NUCKS1: variants seen among roughly 807,000 people sequenced by gnomAD.
NUCKS1 encodes the protein nuclear ubiquitous casein and cyclin-dependent kinase substrate 1.
NUCKS1 carries 2 observed loss-of-function variants against 33.0 expected under a neutral mutation model. That is an observed-to-expected ratio of 0.06 (90% CI 0.02 to 0.19). The LOEUF (loss-of-function observed/expected upper bound fraction) is 0.19. Among genes scored for constraint, NUCKS1 ranks in the 10% least tolerant of loss-of-function variants. NUCKS1 has a pLI of 1.00. For synonymous variants in NUCKS1, 106 were observed against 102.8 expected (o/e 1.03, Z -0.19); for missense variants, 201 against 293.6 (o/e 0.68, Z 2.31).
chr1:205,736,112 C>G (rs1232900242), intron 1 of NUCKS1, among the ~76,000 whole-genome samples: 1 of 152,016 alleles, frequency 6.6e-6, no homozygotes, highest in Non-Finnish European at 1.5e-5. Context: ...TCACAACAGC[C>G]AGTAAATTAA....
At chr1:205,723,899 C>T (rs746142014) in intron 4 of NUCKS1, 27 bp downstream of exon 4, 1 of 1,447,210 alleles carries the variant, frequency 6.9e-7, no homozygotes, top group Non-Finnish European at 9.7e-7. Context: ...TATAATTATA[C>T]CTCTTACATT....
At chr1:205,736,872 C>A (rs182017416) in intron 1 of NUCKS1, among the ~76,000 whole-genome samples, 26 of 151,410 alleles carry the variant, frequency 1.7e-4, no homozygotes, top group Non-Finnish European at 3.1e-4. Context: ...TAGTTCTTTA[C>A]AAGGAGATGA....
Position 205,713,349 on chromosome 1 carries a change from C to T in NUCKS1, c.*4931G>A, listed in dbSNP as rs1065678. ...ATGCCAACATGCTCAACAATAAAGG[C>T]TTCTTTTTCTTATTTTTTTAATACA... On this transcript the variant is annotated 3_prime_UTR_variant, in exon 7 of 7. Coordinates refer to ENST00000367142, the MANE Select transcript of NUCKS1 (RefSeq NM_022731.5). 15 of 152,014 alleles carry T rather than the reference C, an allele frequency of 9.9e-5. No homozygotes were observed. 9.4% of individuals were successfully genotyped at this position (152,014 alleles called of 1,614,324 possible).
chr1:205,724,098 C>T lies in NUCKS1; in HGVS notation c.174-117G>A, dbSNP rs566326758. ...GAAAAATACCTCTTCTATATAAAATCTTCAAACAAATGCTAAGGAGTACTT... is the reference window on the plus strand; with the variant it reads ...GAAAAATACCTCTTCTATATAAAATTTTCAAACAAATGCTAAGGAGTACTT... On this transcript the variant is annotated intron_variant, in intron 3 of 6. Transcript: ENST00000367142. 8.8e-4 allele frequency: 709 copies of T among 808,622 alleles called. 2 individuals carry two copies. Among genetic ancestry groups the T allele is most frequent in the Admixed American group, 2.0e-3 (113 of 57,452 alleles). 50.1% of individuals were successfully genotyped at this position (808,622 alleles called of 1,614,324 possible). A position where few individuals can be genotyped will look rare whatever the true frequency, so the allele number is the denominator to read the frequency against.
chr1:205,740,821 GTA>G (rs10535162), intron 1 of NUCKS1, among the ~76,000 whole-genome samples: 117,267 of 145,182 alleles, frequency 0.81, 48,901 homozygotes, highest in Non-Finnish European at 0.91. Context: ...CTCCTACTAA[GTA>G]TATATATATA....
chr1:205,738,326 C>T (rs904335417), intron 1 of NUCKS1, among the ~76,000 whole-genome samples: 3 of 151,778 alleles, frequency 2.0e-5, no homozygotes, highest in African/African-American at 7.3e-5. Flanking sequence ...CCATGCCCAG[C>T]CTATTTATTT....
rs958200557 is a variant in NUCKS1, at chr1:205,746,449, TCTCTCACACA to T, written c.17+3498_17+3507del. On this transcript the variant is annotated intron_variant, in intron 1 of 6. Transcript: ENST00000367142. ...TAATAAACTCACTTCTCTCTCTCTC[TCTCTCACACA>T]CACACACACACACACACACACACAC... Among the ~76,000 whole-genome samples the T allele has an allele frequency of 1.5e-4, 16 of 108,076 alleles. No homozygotes were observed. The East Asian group carries it at 2.4e-3, about 16-fold the overall frequency. The allele number at this position is 108,076 out of a possible 152,430, so 70.9% of individuals were successfully genotyped here.
chr1:205,718,272 C>G lies in NUCKS1; in HGVS notation c.*8G>C, dbSNP rs200431602. On this transcript the variant is annotated 3_prime_UTR_variant, in exon 7 of 7. Transcript: ENST00000367142. ...TTAATAAAATCTCTCCCCAGACCATCATCACTTTTAATCCTCCCCAGAAGG... is the reference window on the plus strand; with the variant it reads ...TTAATAAAATCTCTCCCCAGACCATGATCACTTTTAATCCTCCCCAGAAGG... 5.0e-5 allele frequency: 79 copies of G among 1,592,264 alleles called. No individual in the cohort carries two copies. In the Middle Eastern group the frequency reaches 5.2e-4, roughly 10 times the overall value.
At chr1:205,719,709 T>G (rs1671888312) in intron 5 of NUCKS1, 33 bp from the exon 6 acceptor site, 11 of 1,600,114 alleles carry the variant, frequency 6.9e-6, no homozygotes, top group Non-Finnish European at 9.4e-6. Flanking sequence ...ACATCTAACT[T>G]AATGTACACA....
rs1412747519 is a variant in NUCKS1, at chr1:205,719,671, A to C, written c.388T>G (p.Ser130Ala). 6.2e-7 allele frequency: 1 copy of C among 1,607,312 alleles called. No homozygotes were observed. The highest frequency in any genetic ancestry group is 1.3e-5 in the African/African-American group (1 of 74,362). Residue 130 changes from serine to alanine, a missense_variant, in exon 6 of 7, where the codon TCC (serine) becomes GCC (alanine). Ser to Ala is a moderately conservative substitution (Grantham distance 99). Transcript: ENST00000367142. ...ATTAGGAAATCTTCATCGCTGCCGGAATCTTCTGAGAAGAAAGAAGAATTT... is the reference window on the plus strand; with the variant it reads ...ATTAGGAAATCTTCATCGCTGCCGGCATCTTCTGAGAAGAAAGAAGAATTT... ...EDEAPFQEKD[S>A]GSDEDFLMED...
Position 205,717,360 on chromosome 1 carries a change from G to A in NUCKS1, c.*920C>T. The A allele has an allele frequency of 1.0e-6, 1 of 984,890 alleles. No individual in the cohort carries two copies. The highest frequency in any genetic ancestry group is 1.2e-6 in the Non-Finnish European group (1 of 829,094). 61.0% of individuals were successfully genotyped at this position (984,890 alleles called of 1,614,324 possible). A position where few individuals can be genotyped will look rare whatever the true frequency, so the allele number is the denominator to read the frequency against. ...GTCAGTTTGAAAAGAAATCCACTGT[G>A]ACCTGTAGACTGATCTTGTTGATTA... is the stretch of plus-strand genomic sequence containing the variant. On this transcript the variant is annotated 3_prime_UTR_variant, in exon 7 of 7. Transcript: ENST00000367142.
rs981106860 is a variant in NUCKS1 at position 205,715,533 on chromosome 1, G to A, written c.*2747C>T. The A allele has an allele frequency of 6.6e-6, 1 of 152,208 alleles. No individual in the cohort carries two copies. The highest frequency in any genetic ancestry group is 2.1e-4 in the South Asian group (1 of 4,830). 9.4% of individuals were successfully genotyped at this position (152,208 alleles called of 1,614,324 possible). ...GAGGTGAGGAGGACTAAAAGCAGCA[G>A]CAGGTTACAGAAAGACTGAATAAGA... On this transcript the variant is annotated 3_prime_UTR_variant, in exon 7 of 7. Transcript: ENST00000367142.
intron 2 of NUCKS1, among the ~76,000 whole-genome samples, chr1:205,728,580 A>G (rs1214155993): frequency 2.0e-5 from 3 of 152,248 alleles, no homozygotes; most frequent in Non-Finnish European, 4.4e-5. Context: ...CAAGCATTTA[A>G]TAAATATTAG....
At chr1:205,730,678 G>A (rs554773634) in intron 1 of NUCKS1, among the ~76,000 whole-genome samples, 73 of 151,244 alleles carry the variant, frequency 4.8e-4, no homozygotes, top group African/African-American at 1.6e-3. Context: ...TAGTAGAGAC[G>A]GGGTTTCACC....
intron 1 of NUCKS1, among the ~76,000 whole-genome samples, 171 bp downstream of exon 1, chr1:205,749,786 C>A (rs1288404368): frequency 6.6e-6 from 1 of 151,316 alleles, no homozygotes; most frequent in Non-Finnish European, 1.5e-5. Flanking sequence ...CAGCCACCAC[C>A]CCCGCGCGCC....
intron 2 of NUCKS1, among the ~76,000 whole-genome samples, chr1:205,728,847 T>C (rs897689003): frequency 3.9e-5 from 6 of 152,276 alleles, no homozygotes; most frequent in African/African-American, 1.4e-4. Flanking sequence ...GACTCTCATC[T>C]TAGTTGCTTT....
At chr1:205,747,223 T>G (rs546203621) in intron 1 of NUCKS1, among the ~76,000 whole-genome samples, 58 of 152,180 alleles carry the variant, frequency 3.8e-4, no homozygotes, top group Non-Finnish European at 8.1e-4. Context: ...GCCCAACATT[T>G]GCACCTGCTA....
At chr1:205,725,508 T>TA (rs1653740020) in intron 3 of NUCKS1, among the ~76,000 whole-genome samples, 1 of 152,196 alleles carries the variant, frequency 6.6e-6, no homozygotes, top group Non-Finnish European at 1.5e-5. Context: ...CTGTTCTGTA[T>TA]AAATGTTTTT....
intron 1 of NUCKS1, among the ~76,000 whole-genome samples, chr1:205,741,193 G>C (rs1654162157): frequency 7.8e-6 from 1 of 128,656 alleles, no homozygotes; most frequent in South Asian, 2.2e-4. Context: ...CCAGCTACTC[G>C]GGAGGCTGAG....
Sources: allele counts gnomAD v4.1 joint callset (sites outside exome capture counted in the v4.1 genomes callset), GRCh38; gene constraint gnomAD v4.1.1; transcripts MANE v1.5; gene names NCBI Gene and HGNC (gene_info 2026-07-23, HGNC 2026-07-21).